FHIT: variants seen among roughly 807,000 people sequenced by gnomAD.
The protein encoded by FHIT is fragile histidine triad diadenosine triphosphatase.
FHIT carries 19 observed loss-of-function variants against 17.9 expected under a neutral mutation model. That is an observed-to-expected ratio of 1.06 (90% confidence interval 0.74 to 1.56). FHIT has a LOEUF of 1.56. Among genes scored for constraint, FHIT ranks in the 40% most tolerant of loss-of-function variants. FHIT has a pLI of 0.00. For synonymous variants in FHIT, 81 were observed against 69.7 expected (o/e 1.16, Z -0.81); for missense variants, 248 against 189.2 (o/e 1.31, Z -1.82).
chr3:60,413,972 C>T (rs1702156071), intron 5 of FHIT, among the ~76,000 whole-genome samples: 1 of 152,026 alleles, frequency 6.6e-6, no homozygotes, highest in African/African-American at 2.4e-5. Context: ...GAAAAACAGA[C>T]AAAATTCAAG....
At chr3:61,089,815 A>C (rs1055437564) in intron 2 of FHIT, among the ~76,000 whole-genome samples, 15 of 152,184 alleles carry the variant, frequency 9.9e-5, no homozygotes, top group African/African-American at 3.1e-4. Flanking sequence ...AATTTGACAT[A>C]AGAAAAATCT....
intron 5 of FHIT, among the ~76,000 whole-genome samples, chr3:60,017,640 T>C (rs1034195174): frequency 6.6e-6 from 1 of 152,192 alleles, no homozygotes; most frequent in Non-Finnish European, 1.5e-5. Flanking sequence ...ATCCTTTCTT[T>C]TTGTTTTCCC....
intron 7 of FHIT, among the ~76,000 whole-genome samples, chr3:59,963,214 C>T (rs1707766041): frequency 6.6e-6 from 1 of 151,914 alleles, no homozygotes; most frequent in Non-Finnish European, 1.5e-5. Flanking sequence ...TCGCAATGAG[C>T]CGAGATCACA....
In FHIT at chr3:60,377,894, T is replaced by C. The variant is rs538396834; in HGVS notation, c.103+158966A>G. 2.6e-5 allele frequency among the ~76,000 whole-genome samples: 4 copies of C among 152,300 alleles called. No individual in the cohort carries two copies. The South Asian group carries it at 8.3e-4, about 32-fold the overall frequency. ...GGGGGCACAAAGGAAAACTGAACAGTACATATGTGTTGCATAAATTCATGG... is the reference window on the plus strand; with the variant it reads ...GGGGGCACAAAGGAAAACTGAACAGCACATATGTGTTGCATAAATTCATGG... On this transcript the variant is annotated intron_variant, in intron 5 of 9. Coordinates refer to ENST00000492590, the MANE Select transcript of FHIT (RefSeq NM_002012.4).
intron 5 of FHIT, among the ~76,000 whole-genome samples, chr3:60,347,689 G>GGTTTTTT (rs1553750581): frequency 1.2e-5 from 1 of 85,304 alleles, no homozygotes; most frequent in Non-Finnish European, 2.4e-5. Flanking sequence ...GGGGGGGGGG[G>GGTTTTTT]TTTGTTTTTT....
In FHIT at chr3:60,447,476, A is replaced by T. The variant is rs992463670; in HGVS notation, c.103+89384T>A. Among the ~76,000 whole-genome samples the T allele has an allele frequency of 6.6e-5, 10 of 152,288 alleles. No individual in the cohort carries two copies. The East Asian group carries it at 1.9e-3, about 29-fold the overall frequency. ...TCTATTCCAAACAACATGACAACTC[A>T]TTCTTAGTTCAATGATCTCTTTTAA... On this transcript the variant is annotated intron_variant, in intron 5 of 9. Coordinates refer to ENST00000492590, the MANE Select transcript of FHIT (RefSeq NM_002012.4).
intron 8 of FHIT, among the ~76,000 whole-genome samples, chr3:59,877,479 A>T (rs1310520084): frequency 6.6e-6 from 1 of 152,180 alleles, no homozygotes; most frequent in Admixed American, 6.5e-5. Flanking sequence ...GAAGGCCCAG[A>T]GCAGTGATCC....
intron 4 of FHIT, among the ~76,000 whole-genome samples, chr3:60,541,078 C>A (rs2107606835): frequency 6.6e-6 from 1 of 152,264 alleles, no homozygotes; most frequent in East Asian, 1.9e-4. Flanking sequence ...ACTATCCTCC[C>A]AATCCCTGGG....
intron 4 of FHIT, among the ~76,000 whole-genome samples, chr3:60,738,696 T>C (rs907932496): frequency 6.6e-6 from 1 of 152,122 alleles, no homozygotes. Flanking sequence ...TGGATGCAGA[T>C]AATAAACACA....
At position 61,217,398 on chromosome 3, in the gene FHIT, G is replaced by A. The variant is rs530908985; in HGVS notation, c.-212-16733C>T. The stretch of plus-strand genomic sequence containing the variant: ...ATCTGCCAGTTGTTGCTCAGGGTTA[G>A]CTGAGACCACAGCTAGAGCTAGCAG... On this transcript the variant is annotated intron_variant, in intron 1 of 9. Coordinates refer to ENST00000492590, the MANE Select transcript of FHIT (RefSeq NM_002012.4). Among the ~76,000 whole-genome samples, 5 of 152,324 alleles carry A rather than the reference G, an allele frequency of 3.3e-5. No individual in the cohort carries two copies. The South Asian group carries it at 1.0e-3, about 32-fold the overall frequency.
intron 5 of FHIT, among the ~76,000 whole-genome samples, chr3:60,084,402 C>A (rs765700107): frequency 6.6e-6 from 1 of 152,146 alleles, no homozygotes; most frequent in Non-Finnish European, 1.5e-5. Context: ...ATCACTCATT[C>A]GTTCACTCTA....
chr3:60,816,686 T>G (rs1179217217), intron 4 of FHIT, among the ~76,000 whole-genome samples: 1 of 53,210 alleles, frequency 1.9e-5, no homozygotes, highest in African/African-American at 4.3e-5. Context: ...GATATTGGCC[T>G]GTTGATTTCT....
At chr3:60,732,764 G>T (rs2042059497) in intron 4 of FHIT, 1 of 257,948 alleles carries the variant, frequency 3.9e-6, no homozygotes, top group South Asian at 4.4e-5. Flanking sequence ...TCGGCTCACT[G>T]CAATCTCCAC....
At chr3:60,908,732 G>A (rs1480752778) in intron 3 of FHIT, among the ~76,000 whole-genome samples, 3 of 147,102 alleles carry the variant, frequency 2.0e-5, no homozygotes, top group African/African-American at 7.5e-5. Flanking sequence ...AAAAAAAAAA[G>A]GGAGGGGACC....
chr3:60,761,868 T>G (rs1699671499), intron 4 of FHIT, among the ~76,000 whole-genome samples: 1 of 152,050 alleles, frequency 6.6e-6, no homozygotes, highest in South Asian at 2.1e-4. Flanking sequence ...TTTCATTTTT[T>G]GCTGCTTCCA....
At chr3:60,318,683 C>T (rs1484572072) in intron 5 of FHIT, among the ~76,000 whole-genome samples, 1 of 152,176 alleles carries the variant, frequency 6.6e-6, no homozygotes, top group Non-Finnish European at 1.5e-5. Flanking sequence ...CTTCAATACT[C>T]ATTAATTCAC....
At chr3:60,490,587 G>A (rs965525135) in intron 5 of FHIT, among the ~76,000 whole-genome samples, 3 of 151,350 alleles carry the variant, frequency 2.0e-5, no homozygotes, top group African/African-American at 7.3e-5. Context: ...TCAACATGGA[G>A]GAAATTCAGG....
At chr3:60,376,586 G>A (rs1700571216) in intron 5 of FHIT, among the ~76,000 whole-genome samples, 1 of 152,080 alleles carries the variant, frequency 6.6e-6, no homozygotes, top group Admixed American at 6.6e-5. Flanking sequence ...ACACTTCTCT[G>A]CAAAAGAAAA....
At chr3:60,832,740 A>G (rs978667021) in intron 3 of FHIT, among the ~76,000 whole-genome samples, 2 of 151,994 alleles carry the variant, frequency 1.3e-5, no homozygotes, top group African/African-American at 2.4e-5. Flanking sequence ...CCTGTTTTCA[A>G]TCTGGAAGAA....
Sources: gnomAD v4.1 joint callset for allele counts (sites outside exome capture counted in the v4.1 genomes callset) on GRCh38, gnomAD v4.1.1 for gene constraint, MANE v1.5 for transcripts, NCBI Gene and HGNC (gene_info 2026-07-23, HGNC 2026-07-21) for gene names.